Variants in IDO2 observed in about 807,000 individuals in gnomAD.
IDO2 encodes the protein indoleamine 2,3-dioxygenase 2, also known as indoleamine 2,3-dioxygenase-like 1 protein.
In IDO2, 46 loss-of-function variants were observed where a neutral mutation model predicts 45.1. The observed-to-expected ratio is 1.02, with a 90% CI of 0.80 to 1.30. IDO2 has a LOEUF of 1.30. Ranked by LOEUF, IDO2 falls within the 50% of genes most tolerant of loss-of-function variation. The pLI is 0.00. For missense variants in IDO2, 544 were observed against 491.8 expected (o/e 1.11, Z -1.00); for synonymous variants, 218 against 184.9 (o/e 1.18, Z -1.45).
chr8:40,011,369 C>T (rs541513540), intron 9 of IDO2, among the ~76,000 whole-genome samples: 1 of 152,192 alleles, frequency 6.6e-6, no homozygotes, highest in East Asian at 1.9e-4. Flanking sequence ...TACATAAGAC[C>T]ATCAACCAGA....
chr8:39,971,061 G>A (rs1808172472), intron 3 of IDO2, among the ~76,000 whole-genome samples: 2 of 152,234 alleles, frequency 1.3e-5, no homozygotes, highest in East Asian at 3.9e-4. Flanking sequence ...ACTGCGCCCG[G>A]CCCAGGACTT....
chr8:39,971,815 C>CTTT (rs34988083), intron 3 of IDO2, among the ~76,000 whole-genome samples: 1 of 149,556 alleles, frequency 6.7e-6, no homozygotes, highest in African/African-American at 2.5e-5. Flanking sequence ...CTTTTCTTTT[C>CTTT]TTTTTTTTTT....
chr8:39,970,287 A>T (rs1808158882), intron 3 of IDO2, among the ~76,000 whole-genome samples: 1 of 152,270 alleles, frequency 6.6e-6, no homozygotes, highest in Admixed American at 6.5e-5. Flanking sequence ...TAAAAGTGCA[A>T]GGTGAAGCAG....
intron 5 of IDO2, chr8:39,984,949 A>G (rs1247879534): frequency 2.7e-6 from 1 of 377,290 alleles, no homozygotes; most frequent in Admixed American, 3.1e-5. Flanking sequence ...ATTTATTTTC[A>G]GAGACGGAGT....
At chr8:39,953,765 A>G (rs908513334) in intron 2 of IDO2, among the ~76,000 whole-genome samples, 1 of 152,174 alleles carries the variant, frequency 6.6e-6, no homozygotes. Flanking sequence ...GGGTTTCGCC[A>G]TGTTGGCCAG....
intron 10 of IDO2, among the ~76,000 whole-genome samples, chr8:40,013,964 C>A (rs1311215949): frequency 1.3e-5 from 2 of 152,134 alleles, no homozygotes; most frequent in Admixed American, 6.6e-5. Flanking sequence ...CAACTGTTCA[C>A]TATCACTTTG....
intron 4 of IDO2, among the ~76,000 whole-genome samples, chr8:39,982,196 CATCT>C (rs1429611614): frequency 6.6e-6 from 1 of 150,734 alleles, no homozygotes; most frequent in Non-Finnish European, 1.5e-5. Context: ...ATCTCTCTAT[CATCT>C]ATCTATGTAT....
Position 39,963,700 on chromosome 8 carries a change from C to G in IDO2, c.192C>G (p.Asp64Glu), listed in dbSNP as rs73619581. ...CTCACCAGCTTCAAGCTCATGTGGA[C>G]AAGGTATTCTTCTCTTCACCCCCTC... The change falls in exon 3 of 11, where the codon GAC becomes GAG. Residue 64 changes from aspartate (D) to glutamate (E), a missense_variant. Coordinates refer to ENST00000502986, the Ensembl canonical transcript of IDO2. The G allele has an allele frequency of 1.3e-4, 205 of 1,591,810 alleles. No homozygotes were observed. The African/African-American group carries it at 2.3e-3, about 18-fold the overall frequency.
intron 1 of IDO2, among the ~76,000 whole-genome samples, chr8:39,947,440 G>C (rs1203802231): frequency 6.6e-6 from 1 of 152,106 alleles, no homozygotes; most frequent in Non-Finnish European, 1.5e-5. Context: ...GTTTATACTG[G>C]TCTAAGCAAG....
At chr8:39,953,785 G>A (rs1414780418) in intron 2 of IDO2, among the ~76,000 whole-genome samples, 1 of 151,976 alleles carries the variant, frequency 6.6e-6, no homozygotes, top group Non-Finnish European at 1.5e-5. Flanking sequence ...GGCTGGTCTC[G>A]AACCCCTGAC....
intron 1 of IDO2, among the ~76,000 whole-genome samples, chr8:39,941,221 C>CAAAAAAAAAAAA (rs59745370): frequency 2.7e-4 from 22 of 80,538 alleles, no homozygotes; most frequent in African/African-American, 1.3e-3. Flanking sequence ...GACTCCATCT[C>CAAAAAAAAAAAA]AAAAAAAAAA....
chr8:39,943,098 TG>T (rs547202958), intron 1 of IDO2, among the ~76,000 whole-genome samples: 356 of 152,326 alleles, frequency 2.3e-3, no homozygotes, highest in Non-Finnish European at 3.5e-3. Flanking sequence ...CAGGGCGCAG[TG>T]GCTCACGCCT....
chr8:40,001,311 G>A (rs1034961070), intron 8 of IDO2, among the ~76,000 whole-genome samples: 1 of 144,054 alleles, frequency 6.9e-6, no homozygotes, highest in Non-Finnish European at 1.5e-5. Flanking sequence ...GTGCAGTGGT[G>A]CGATCTTGGC....
intron 9 of IDO2, among the ~76,000 whole-genome samples, chr8:40,008,207 G>A (rs1399368356): frequency 3.3e-5 from 5 of 151,754 alleles, no homozygotes; most frequent in Non-Finnish European, 2.9e-5. Context: ...CCACCAGCCC[G>A]GCTGATTTTT....
intron 1 of IDO2, among the ~76,000 whole-genome samples, chr8:39,938,290 C>A (rs201078530): frequency 0.18 from 28,010 of 151,874 alleles, 3,004 homozygotes; most frequent in South Asian, 0.32. Context: ...AAAAAATTCT[C>A]TATCTATATC....
chr8:39,997,008 G>GA (rs11411049), intron 8 of IDO2, among the ~76,000 whole-genome samples: 69,823 of 151,964 alleles, frequency 0.46, 16,696 homozygotes, highest in South Asian at 0.54. Context: ...TTACACTGTT[G>GA]AAAAATGCTG....
At chr8:39,996,636 A>G (rs1802050299) in intron 8 of IDO2, among the ~76,000 whole-genome samples, 2 of 152,116 alleles carry the variant, frequency 1.3e-5, no homozygotes, top group Admixed American at 1.3e-4. Flanking sequence ...GTCTCCGCAC[A>G]CGAGGAGAAA....
chr8:39,935,540 C>T (rs149690803), intron 1 of IDO2, among the ~76,000 whole-genome samples: 4,210 of 152,078 alleles, frequency 0.028, 190 homozygotes, highest in African/African-American at 0.095. Context: ...ACCTCTGCCT[C>T]CCAGGTTCAA....
chr8:39,943,026 C>A (rs536529131), intron 1 of IDO2, among the ~76,000 whole-genome samples: 112 of 152,218 alleles, frequency 7.4e-4, no homozygotes, highest in African/African-American at 2.6e-3. Context: ...TGCTGAACTG[C>A]AAAATTGGTT....
Sources: allele counts gnomAD v4.1 joint callset (sites outside exome capture counted in the v4.1 genomes callset), GRCh38; gene constraint gnomAD v4.1.1; transcripts MANE v1.5; gene names NCBI Gene and HGNC (gene_info 2026-07-23, HGNC 2026-07-21).